Variants in NTNG1 observed in about 807,000 individuals in gnomAD.
NTNG1 encodes the protein netrin-G1.
A neutral mutation model predicts 54.0 loss-of-function variants in NTNG1; 16 were observed. That is an observed-to-expected ratio of 0.30 (90% confidence interval 0.20 to 0.45). The LOEUF (loss-of-function observed/expected upper bound fraction) is 0.45, where lower values mean the gene tolerates loss of function less well. Ranked by LOEUF, NTNG1 falls within the 20% of genes least tolerant of loss-of-function variation. NTNG1 has a pLI of 1.00. For missense variants in NTNG1, 530 were observed against 678.7 expected, an observed-to-expected ratio of 0.78 and a Z score of 2.43; for synonymous variants, 255 against 263.1, an observed-to-expected ratio of 0.97 and a Z score of 0.30.
At chr1:107,302,636 C>A (rs926417509) in intron 2 of NTNG1, among the ~76,000 whole-genome samples, 2 of 151,090 alleles carry the variant, frequency 1.3e-5, no homozygotes, top group African/African-American at 4.9e-5. Context: ...CAGAATAGTA[C>A]AGTTGAAAAA....
intron 2 of NTNG1, among the ~76,000 whole-genome samples, chr1:107,271,866 TTTTAAA>T (rs1664164598): frequency 6.6e-6 from 1 of 152,202 alleles, no homozygotes. Context: ...ATACACTGTC[TTTTAAA>T]TGCATTTTAA....
chr1:107,426,028 T>G (rs898057339), intron 5 of NTNG1, among the ~76,000 whole-genome samples: 2 of 152,152 alleles, frequency 1.3e-5, no homozygotes, highest in Non-Finnish European at 2.9e-5. Context: ...ATGGGGTTGT[T>G]TGTTTTATTC....
chr1:107,173,015 A>G (rs1192727208), intron 2 of NTNG1, among the ~76,000 whole-genome samples: 1 of 152,168 alleles, frequency 6.6e-6, no homozygotes, highest in African/African-American at 2.4e-5. Flanking sequence ...TTTCCAGATT[A>G]GTATGAGATT....
chr1:107,170,084 T>G (rs933747020), intron 2 of NTNG1, among the ~76,000 whole-genome samples: 4 of 152,168 alleles, frequency 2.6e-5, no homozygotes, highest in African/African-American at 9.7e-5. Flanking sequence ...AAATCACATC[T>G]ATAAAATATC....
intron 5 of NTNG1, among the ~76,000 whole-genome samples, chr1:107,415,551 G>A (rs550309755): frequency 6.6e-6 from 1 of 152,164 alleles, no homozygotes; most frequent in East Asian, 1.9e-4. Context: ...CTCCTCAGTG[G>A]CGGAACGGGG....
intron 2 of NTNG1, among the ~76,000 whole-genome samples, chr1:107,170,603 T>C (rs1656148079): frequency 6.6e-6 from 1 of 152,150 alleles, no homozygotes; most frequent in African/African-American, 2.4e-5. Flanking sequence ...AACATAATTA[T>C]TGCTGCTGAT....
intron 5 of NTNG1, among the ~76,000 whole-genome samples, chr1:107,419,125 A>G (rs915291711): frequency 2.6e-5 from 4 of 151,240 alleles, no homozygotes; most frequent in Non-Finnish European, 5.9e-5. Flanking sequence ...ATTTGGAGCA[A>G]TCTGTCTCTT....
chr1:107,257,151 A>G (rs934518472), intron 2 of NTNG1, among the ~76,000 whole-genome samples: 4 of 152,202 alleles, frequency 2.6e-5, no homozygotes, highest in African/African-American at 4.8e-5. Flanking sequence ...TATTTATATG[A>G]TATTAACTAC....
intron 2 of NTNG1, among the ~76,000 whole-genome samples, chr1:107,271,044 TG>T (rs1664110828): frequency 6.6e-6 from 1 of 152,012 alleles, no homozygotes; most frequent in Non-Finnish European, 1.5e-5. Flanking sequence ...AAAAGCAGAT[TG>T]CTTACCACAA....
At chr1:107,396,248 T>C (rs995560942) in intron 4 of NTNG1, among the ~76,000 whole-genome samples, 1 of 152,060 alleles carries the variant, frequency 6.6e-6, no homozygotes, top group Non-Finnish European at 1.5e-5. Flanking sequence ...ACTGCTTCCG[T>C]AGAAGGGTAA....
intron 4 of NTNG1, among the ~76,000 whole-genome samples, chr1:107,399,736 G>GGA: frequency 6.6e-6 from 1 of 152,170 alleles, no homozygotes; most frequent in East Asian, 1.9e-4. Context: ...GGGTTAAAGG[G>GGA]AGGATTTGAA....
intron 3 of NTNG1, among the ~76,000 whole-genome samples, chr1:107,391,205 G>T (rs931275275): frequency 2.6e-5 from 4 of 152,254 alleles, no homozygotes; most frequent in South Asian, 2.1e-4. Flanking sequence ...AGGGGCAAGA[G>T]ATAAATTGCA....
At chr1:107,253,604 T>C (rs3123368) in intron 2 of NTNG1, among the ~76,000 whole-genome samples, 150,521 of 152,274 alleles carry the variant, frequency 0.99, 74,419 homozygotes, top group East Asian at 1. Context: ...GTTTACCTGC[T>C]CTTCCCCAGA....
At chr1:107,337,861 G>A (rs1668679190) in intron 3 of NTNG1, among the ~76,000 whole-genome samples, 1 of 152,018 alleles carries the variant, frequency 6.6e-6, no homozygotes, top group Non-Finnish European at 1.5e-5. Context: ...AATAGGATGT[G>A]AAGCAACAGA....
At chr1:107,308,980 A>G (rs1160141504) in intron 2 of NTNG1, among the ~76,000 whole-genome samples, 7 of 150,496 alleles carry the variant, frequency 4.7e-5, no homozygotes, top group African/African-American at 4.8e-5. Flanking sequence ...TCTTCCAGAC[A>G]TTACACGTTG....
intron 2 of NTNG1, among the ~76,000 whole-genome samples, chr1:107,150,063 T>C (rs1342946245): frequency 6.6e-6 from 1 of 152,192 alleles, no homozygotes; most frequent in Non-Finnish European, 1.5e-5. Context: ...AGCTAAGGGC[T>C]TGCCATTTTT....
intron 3 of NTNG1, among the ~76,000 whole-genome samples, chr1:107,382,891 G>A (rs1186055884): frequency 6.6e-6 from 1 of 151,636 alleles, no homozygotes; most frequent in African/African-American, 2.4e-5. Flanking sequence ...TTTGCTAGGT[G>A]CACTCTTCTC....
chr1:107,383,913 C>T (rs1671791925), intron 3 of NTNG1, among the ~76,000 whole-genome samples: 1 of 152,212 alleles, frequency 6.6e-6, no homozygotes, highest in African/African-American at 2.4e-5. Flanking sequence ...TTTGTTAATG[C>T]TGTTAATTGC....
chr1:107,261,508 T>C (rs1241156919), intron 2 of NTNG1, among the ~76,000 whole-genome samples: 3 of 152,146 alleles, frequency 2.0e-5, no homozygotes, highest in Non-Finnish European at 4.4e-5. Flanking sequence ...TATTTTACTT[T>C]CAAGCCTGTT....
Sources: gnomAD v4.1 joint callset for allele counts (sites outside exome capture counted in the v4.1 genomes callset) on GRCh38, gnomAD v4.1.1 for gene constraint, MANE v1.5 for transcripts, NCBI Gene and HGNC (gene_info 2026-07-23, HGNC 2026-07-21) for gene names.